The following TBCK variants were observed in gnomAD, a reference collection of about 807,000 sequenced individuals.
TBCK encodes the protein TBC1 domain containing kinase, also known as TBC domain-containing protein kinase-like protein.
Under a neutral mutation model 113.4 loss-of-function variants are expected in TBCK, and 99 were observed. The ratio of observed to expected loss-of-function variants is 0.87; its 90% CI spans 0.74 to 1.03. The LOEUF (loss-of-function observed/expected upper bound fraction) is 1.03. TBCK is among the 50% of genes least tolerant of loss of function. The pLI is 0.00. For missense variants in TBCK, 1,045 were observed against 1,061.3 expected (o/e 0.98, Z 0.21); for synonymous variants, 369 against 370.8 (o/e 1.00, Z 0.05).
chr4:106,303,386 T>C (rs554652278), intron 2 of TBCK, among the ~76,000 whole-genome samples: 2 of 152,320 alleles, frequency 1.3e-5, no homozygotes, highest in African/African-American at 4.8e-5. Context: ...CGAAAAACTA[T>C]GCATTTTCAT....
chr4:106,121,258 A>G (rs1744321000), intron 23 of TBCK, among the ~76,000 whole-genome samples: 1 of 151,486 alleles, frequency 6.6e-6, no homozygotes, highest in Non-Finnish European at 1.5e-5. Flanking sequence ...AAACAAACAA[A>G]GATCAAAAGA....
At chr4:106,065,510 C>T (rs1179799932) in intron 25 of TBCK, among the ~76,000 whole-genome samples, 2 of 152,002 alleles carry the variant, frequency 1.3e-5, no homozygotes, top group Non-Finnish European at 2.9e-5. Context: ...TGTTTTGATA[C>T]AAAGGTCTTC....
chr4:106,297,880 A>C (rs1006047185), intron 2 of TBCK: 10 of 152,198 alleles, frequency 6.6e-5, no homozygotes, highest in Admixed American at 6.5e-4. Context: ...AGAGAAGAAT[A>C]GCCACCTGCC....
chr4:106,163,793 C>T (rs1226615437), intron 23 of TBCK, among the ~76,000 whole-genome samples: 1 of 152,084 alleles, frequency 6.6e-6, no homozygotes, highest in African/African-American at 2.4e-5. Flanking sequence ...GGAATTACTA[C>T]AATTCAAGAT....
At chr4:106,232,851 A>T in intron 17 of TBCK, 87 bp downstream of exon 17, 1 of 1,294,784 alleles carries the variant, frequency 7.7e-7, no homozygotes, top group Admixed American at 2.1e-5. Flanking sequence ...AAAGACAAGG[A>T]TGTTTAGATA....
At chr4:106,096,031 G>A (rs1740858903) in intron 24 of TBCK, among the ~76,000 whole-genome samples, 1 of 151,946 alleles carries the variant, frequency 6.6e-6, no homozygotes, top group Non-Finnish European at 1.5e-5. Context: ...TTAAAGAAAA[G>A]GGTATGACAT....
intron 20 of TBCK, among the ~76,000 whole-genome samples, chr4:106,206,078 T>C (rs1203059385): frequency 6.6e-6 from 1 of 152,168 alleles, no homozygotes; most frequent in African/African-American, 2.4e-5. Flanking sequence ...TATCGATAGC[T>C]ATAACTCATG....
At chr4:106,129,902 G>A (rs777603447) in intron 23 of TBCK, among the ~76,000 whole-genome samples, 1 of 152,140 alleles carries the variant, frequency 6.6e-6, no homozygotes, top group African/African-American at 2.4e-5. Flanking sequence ...GGAAGAGTGA[G>A]GTCACAGTAT....
At chr4:106,110,906 C>T (rs111415465) in intron 24 of TBCK, among the ~76,000 whole-genome samples, 1 of 151,872 alleles carries the variant, frequency 6.6e-6, no homozygotes, top group Admixed American at 6.6e-5. Flanking sequence ...CTGTCTTACG[C>T]AAGCAGCATT....
intron 19 of TBCK, among the ~76,000 whole-genome samples, chr4:106,226,832 A>T (rs1385577103): frequency 6.6e-6 from 1 of 152,154 alleles, no homozygotes; most frequent in Non-Finnish European, 1.5e-5. Context: ...TATAATAAAC[A>T]TCACTGATAA....
intron 23 of TBCK, among the ~76,000 whole-genome samples, chr4:106,123,264 C>T (rs1025339880): frequency 6.6e-6 from 1 of 152,156 alleles, no homozygotes; most frequent in East Asian, 1.9e-4. Flanking sequence ...AGTGAACTCC[C>T]ATTCACAATT....
intron 25 of TBCK, among the ~76,000 whole-genome samples, chr4:106,079,956 A>G (rs1222596207): frequency 6.6e-6 from 1 of 152,126 alleles, no homozygotes; most frequent in Non-Finnish European, 1.5e-5. Flanking sequence ...AGAACTCACT[A>G]TCACAAGAAT....
At chr4:106,080,884 G>GA (rs1326840558) in intron 25 of TBCK, among the ~76,000 whole-genome samples, 1 of 151,950 alleles carries the variant, frequency 6.6e-6, no homozygotes. Context: ...CCTCTCAAAA[G>GA]AAGAAATTCA....
Position 106,194,741 on chromosome 4 carries a change from G to T in TBCK, c.1874C>A (p.Pro625His). 1 of 1,586,416 alleles carries T rather than the reference G, an allele frequency of 6.3e-7. No homozygotes were observed. The highest frequency in any genetic ancestry group is 8.5e-7 in the Non-Finnish European group (1 of 1,170,992). Residue 625 changes from proline (P) to histidine (H), a missense_variant, in exon 21 of 26, where the codon CCT becomes CAT. By Grantham distance (77) the Pro-to-His change is moderately conservative (BLOSUM62 -2). Transcript: ENST00000394708. ...IGFIPDLYAI[P>H]WFLTMFTHVF... ...ACGAGTAAACATGGTAAGAAACCAA[G>T]GGATGGCATAGAGCTATGAGTGGAA...
intron 25 of TBCK, among the ~76,000 whole-genome samples, chr4:106,050,759 C>T (rs1302645654): frequency 6.6e-6 from 1 of 152,058 alleles, no homozygotes; most frequent in Non-Finnish European, 1.5e-5. Context: ...TATATAGCAA[C>T]ATCCCACGTG....
At chr4:106,157,671 G>A (rs1749286425) in intron 23 of TBCK, among the ~76,000 whole-genome samples, 1 of 152,050 alleles carries the variant, frequency 6.6e-6, no homozygotes, top group Non-Finnish European at 1.5e-5. Context: ...CTGGGGGGTG[G>A]GCAAGGGGTG....
intron 25 of TBCK, among the ~76,000 whole-genome samples, chr4:106,085,632 C>T (rs1295408980): frequency 6.6e-6 from 1 of 152,158 alleles, no homozygotes; most frequent in African/African-American, 2.4e-5. Context: ...ACAGAACTCT[C>T]TACTCCAACA....
At chr4:106,143,007 G>A (rs2149657224) in intron 23 of TBCK, among the ~76,000 whole-genome samples, 1 of 152,248 alleles carries the variant, frequency 6.6e-6, no homozygotes, top group East Asian at 1.9e-4. Context: ...ACTAGCTTGG[G>A]ACAATCCTAA....
At chr4:106,168,093 A>T (rs1052221359) in intron 23 of TBCK, among the ~76,000 whole-genome samples, 10 of 151,872 alleles carry the variant, frequency 6.6e-5, no homozygotes, top group African/African-American at 2.4e-4. Flanking sequence ...CAAAATCCTC[A>T]ACAAAATATT....
Sources: allele counts gnomAD v4.1 joint callset (sites outside exome capture counted in the v4.1 genomes callset), GRCh38; gene constraint gnomAD v4.1.1; transcripts MANE v1.5; gene names NCBI Gene and HGNC (gene_info 2026-07-23, HGNC 2026-07-21).